The following PVT1 variants were observed in gnomAD, a reference collection of about 807,000 sequenced individuals.
PVT1 encodes Pvt1 oncogene.
chr8:127,798,029 G>A (rs549870487), intron 2 of PVT1, among the ~76,000 whole-genome samples: 3 of 152,194 alleles, frequency 2.0e-5, no homozygotes, highest in South Asian at 4.2e-4. Context: ...AGGGCCGGGC[G>A]CGGTGGCTCA....
chr8:128,006,103 A>AAAGAAT (rs1554603812), intron 4 of PVT1, among the ~76,000 whole-genome samples: 1 of 119,362 alleles, frequency 8.4e-6, no homozygotes, highest in Admixed American at 9.3e-5. Flanking sequence ...ACCTTGTCTC[A>AAAGAAT]AATAATAATA....
chr8:127,921,117 C>T (rs775762938), intron 3 of PVT1, among the ~76,000 whole-genome samples: 37 of 152,104 alleles, frequency 2.4e-4, no homozygotes, highest in Admixed American at 9.2e-4. Flanking sequence ...AGAAATTGCA[C>T]GTTTTGTACC....
chr8:127,968,554 A>G (rs1816728158), intron 3 of PVT1, among the ~76,000 whole-genome samples: 2 of 152,158 alleles, frequency 1.3e-5, no homozygotes, highest in South Asian at 4.2e-4. Context: ...TTAACTGAAG[A>G]CACAATGAGA....
rs572538185 is a variant in PVT1, at chr8:127,889,837, C to T, written n.373-752C>T. Among the ~76,000 whole-genome samples the T allele has an allele frequency of 1.4e-3, 214 of 152,218 alleles. 4 individuals carry two copies. Among genetic ancestry groups the T allele is most frequent in the Non-Finnish European group, 2.4e-4 (16 of 68,024 alleles). ...AGATGGAGAGGCCAGAGTTTTTAGC[C>T]GATACATCATAGACATTCCCCAAAG... On this transcript the variant is annotated intron_variant and non_coding_transcript_variant, in intron 2 of 10. Coordinates refer to ENST00000651587, the Ensembl canonical transcript of PVT1.
intron 4 of PVT1, among the ~76,000 whole-genome samples, chr8:128,038,367 G>C (rs1463576083): frequency 6.6e-6 from 1 of 152,180 alleles, no homozygotes; most frequent in African/African-American, 2.4e-5. Flanking sequence ...ATCGCCACAT[G>C]CCTGGCACTT....
chr8:127,824,926 C>A (rs1261090591), intron 2 of PVT1, among the ~76,000 whole-genome samples: 1 of 151,984 alleles, frequency 6.6e-6, no homozygotes, highest in Non-Finnish European at 1.5e-5. Context: ...TCGAGACCAG[C>A]TTGGGCAACA....
chr8:127,864,608 C>T (rs1015910045), intron 2 of PVT1, among the ~76,000 whole-genome samples: 7 of 151,908 alleles, frequency 4.6e-5, no homozygotes, highest in African/African-American at 1.7e-4. Context: ...AGTGCAGTGG[C>T]GCGATCTCGG....
At chr8:127,893,455 C>T (rs974808870) in intron 3 of PVT1, among the ~76,000 whole-genome samples, 8 of 152,026 alleles carry the variant, frequency 5.3e-5, no homozygotes, top group African/African-American at 1.9e-4. Context: ...TTTTGTTGGC[C>T]AGGCTGGTCT....
chr8:127,951,837 A>G (rs1816509005), intron 3 of PVT1, among the ~76,000 whole-genome samples: 2 of 147,342 alleles, frequency 1.4e-5, no homozygotes, highest in Admixed American at 6.7e-5. Context: ...TTTTTTTAAG[A>G]TGGAGTCTCA....
chr8:127,824,644 C>G (rs964509193), intron 2 of PVT1, among the ~76,000 whole-genome samples: 7 of 152,038 alleles, frequency 4.6e-5, no homozygotes, highest in Non-Finnish European at 1.0e-4. Flanking sequence ...TTCTTTTAAA[C>G]TTGAGATCAT....
At chr8:127,959,993 G>T (rs113739535) in intron 3 of PVT1, among the ~76,000 whole-genome samples, 1 of 152,332 alleles carries the variant, frequency 6.6e-6, no homozygotes, top group African/African-American at 2.4e-5. Context: ...TTCCCCGGAT[G>T]CAGTATGTGA....
chr8:127,808,712 T>G (rs1434167133), intron 2 of PVT1, among the ~76,000 whole-genome samples: 1 of 151,820 alleles, frequency 6.6e-6, no homozygotes, highest in African/African-American at 2.4e-5. Flanking sequence ...GAGGATGAGT[T>G]TGGTATTTAT....
intron 5 of PVT1, among the ~76,000 whole-genome samples, chr8:128,093,134 A>C (rs913411983): frequency 6.6e-6 from 1 of 152,162 alleles, no homozygotes; most frequent in Non-Finnish European, 1.5e-5. Flanking sequence ...TTCCTTAAGG[A>C]AAAGATTCTA....
intron 4 of PVT1, among the ~76,000 whole-genome samples, chr8:128,044,456 A>G (rs1813588046): frequency 6.6e-6 from 1 of 152,190 alleles, no homozygotes; most frequent in Admixed American, 6.5e-5. Context: ...CTCCACACCC[A>G]GCCTCAGGCA....
intron 4 of PVT1, among the ~76,000 whole-genome samples, chr8:128,019,072 G>T (rs1199591269): frequency 1.3e-5 from 2 of 152,180 alleles, no homozygotes; most frequent in Non-Finnish European, 2.9e-5. Context: ...ATGAGCAGCC[G>T]CTGACCATCA....
chr8:127,860,302 A>G (rs1815208450), intron 2 of PVT1, among the ~76,000 whole-genome samples: 1 of 152,188 alleles, frequency 6.6e-6, no homozygotes, highest in South Asian at 2.1e-4. Context: ...TCTGCCAGGA[A>G]CCGCCAGAAC....
intron 4 of PVT1, among the ~76,000 whole-genome samples, chr8:128,058,070 G>C (rs765571025): frequency 1.3e-5 from 2 of 152,174 alleles, no homozygotes; most frequent in Non-Finnish European, 2.9e-5. Context: ...GAACATCAGC[G>C]TCACTGAATG....
chr8:128,078,583 C>A (rs1814124331), intron 5 of PVT1, among the ~76,000 whole-genome samples: 1 of 152,144 alleles, frequency 6.6e-6, no homozygotes, highest in Non-Finnish European at 1.5e-5. Flanking sequence ...TTGTTATTAG[C>A]CATCTAGCTT....
At chr8:127,961,950 T>C (rs1052078994) in intron 3 of PVT1, among the ~76,000 whole-genome samples, 1 of 152,226 alleles carries the variant, frequency 6.6e-6, no homozygotes, top group African/African-American at 2.4e-5. Flanking sequence ...TCCAGGTTTG[T>C]TGTGAGGACG....
Sources: gnomAD v4.1 joint callset for allele counts (sites outside exome capture counted in the v4.1 genomes callset) on GRCh38, gnomAD v4.1.1 for gene constraint, MANE v1.5 for transcripts, NCBI Gene and HGNC (gene_info 2026-07-23, HGNC 2026-07-21) for gene names.